Variants in GBA2 observed in about 807,000 individuals in gnomAD.
GBA2 encodes non-lysosomal glucosylceramidase.
Under a neutral mutation model 112.9 loss-of-function variants are expected in GBA2, and 79 were observed. That is an observed-to-expected ratio of 0.70 (90% confidence interval 0.58 to 0.84). GBA2 has a LOEUF of 0.84. Among genes scored for constraint, GBA2 ranks in the 40% least tolerant of loss-of-function variants. GBA2 has a pLI of 0.00. For synonymous variants in GBA2, 403 were observed against 434.3 expected (o/e 0.93, Z 0.90); for missense variants, 1,043 against 1,190.0 (o/e 0.88, Z 1.82).
Position 35,744,310 on chromosome 9 carries a change from A to G in GBA2, c.554T>C (p.Val185Ala). ...LNPGMYQHRTVIADQFTVCLR... is the reference protein window; with the variant it reads ...LNPGMYQHRTAIADQFTVCLR... ...CCTGGCTCTTACTTGGTCAGCGATG[A>G]CTGTCCGGTGCTGATACATTCCAGG... Residue 185 changes from valine (V) to alanine (A), a missense_variant, in exon 3 of 17, where the codon GTC becomes GCC. Transcript: ENST00000378103. 1 of 1,604,384 alleles carries G rather than the reference A, an allele frequency of 6.2e-7. No individual in the cohort carries two copies. Among genetic ancestry groups the G allele is most frequent in the East Asian group, 2.2e-5 (1 of 44,820 alleles).
In GBA2 at chr9:35,738,610, T is replaced by G; in HGVS notation, c.1970A>C (p.Lys657Thr). 2 of 1,613,780 alleles carry G rather than the reference T, an allele frequency of 1.2e-6. No individual in the cohort carries two copies. The highest frequency in any genetic ancestry group is 1.7e-6 in the Non-Finnish European group (2 of 1,179,652). ...GAGTCCATCATGGTCCTTGTCAAAC[T>G]TCATTTCAGATTCCATCACAGCCTA... ...VCLAVMESEM[K>T]FDKDHDGLIE... Residue 657 changes from lysine to threonine, a missense_variant, in exon 13 of 17, where the codon AAG (lysine) becomes ACG (threonine). By Grantham distance (78) the Lys-to-Thr change is moderately conservative. Coordinates refer to ENST00000378103, the MANE Select transcript of GBA2 (RefSeq NM_020944.3).
rs1826880607 is a variant in GBA2 at position 35,744,600 on chromosome 9, T to C, written c.451+15A>G. 1.3e-6 allele frequency: 2 copies of C among 1,499,844 alleles called. No homozygotes were observed. The highest frequency in any genetic ancestry group is 9.3e-7 in the Non-Finnish European group (1 of 1,075,760). 92.9% of individuals were successfully genotyped at this position (1,499,844 alleles called of 1,614,324 possible). ...AGGCCTTCTCTGAGCAGAGCAGAGA[T>C]GGGGTGGGGCTCACCATAAATCTGT... On this transcript the variant is annotated intron_variant, in intron 2 of 16. Transcript: ENST00000378103.
At chr9:35,742,420 A>G (rs950731930) in intron 3 of GBA2, among the ~76,000 whole-genome samples, 16 of 152,092 alleles carry the variant, frequency 1.1e-4, no homozygotes, top group Non-Finnish European at 1.9e-4. Flanking sequence ...CTTGTTCGCT[A>G]TCTGGTGAAA....
rs1234137392 is a variant in GBA2 at position 35,749,001 on chromosome 9, C to T, written c.-297G>A. 1 of 267,580 alleles carries T rather than the reference C, an allele frequency of 3.7e-6. No individual in the cohort carries two copies. Among genetic ancestry groups the T allele is most frequent in the Admixed American group, 5.5e-5 (1 of 18,280 alleles). The allele number at this position is 267,580 out of a possible 1,614,324, so 16.6% of individuals were successfully genotyped here. A position where few individuals can be genotyped will look rare whatever the true frequency, so the allele number is the denominator to read the frequency against. On this transcript the variant is annotated 5_prime_UTR_variant, in exon 1 of 17. Transcript: ENST00000378103. The surrounding 1 kb of genome is among the most constrained non-coding windows in gnomAD (Gnocchi z 4.4). ...CGCCCGGCCAAAGGGCGACTGGGCC[C>T]GCAGAGAGGGGAGGAGCCGCGGGGC...
Position 35,736,933 on chromosome 9 carries a change from C to A in GBA2, c.*236G>T. 4.0e-6 allele frequency: 3 copies of A among 744,114 alleles called. No individual in the cohort carries two copies. Among genetic ancestry groups the A allele is most frequent in the Non-Finnish European group, 6.4e-6 (3 of 467,288 alleles). 46.1% of individuals were successfully genotyped at this position (744,114 alleles called of 1,614,324 possible). On this transcript the variant is annotated 3_prime_UTR_variant, in exon 17 of 17. Transcript: ENST00000378103. Reference sequence around the variant, plus strand: ...CCATGAATGTACCTGGGGAAATCAACTGACCTCCCTGAACATTTCACGCAG... The same window carrying A: ...CCATGAATGTACCTGGGGAAATCAAATGACCTCCCTGAACATTTCACGCAG...
intron 3 of GBA2, 178 bp from the exon 4 acceptor site, chr9:35,742,068 C>T (rs1370995440): frequency 1.6e-6 from 1 of 629,868 alleles, no homozygotes; most frequent in East Asian, 2.7e-5. Flanking sequence ...CCCCATCCAT[C>T]TATCTCCCAA....
At position 35,741,547 on chromosome 9, in the gene GBA2, C is replaced by G. The variant is rs980019777; in HGVS notation, c.786+125G>C. 1 of 745,766 alleles carries G rather than the reference C, an allele frequency of 1.3e-6. No homozygotes were observed. Among genetic ancestry groups the G allele is most frequent in the East Asian group, 2.5e-5 (1 of 40,662 alleles). 46.2% of individuals were successfully genotyped at this position (745,766 alleles called of 1,614,324 possible). Reference sequence around the variant, plus strand: ...TCTCCTGATCTCATGATCCGCCTGCCTTGGCCTCCCAAAGTGTTGGGATTA... The same window carrying G: ...TCTCCTGATCTCATGATCCGCCTGCGTTGGCCTCCCAAAGTGTTGGGATTA... On this transcript the variant is annotated intron_variant, in intron 4 of 16. Coordinates refer to ENST00000378103, the MANE Select transcript of GBA2 (RefSeq NM_020944.3). The surrounding 1 kb of genome is among the most constrained non-coding windows in gnomAD (Gnocchi z 4.6).
chr9:35,737,591 C>T lies in GBA2; in HGVS notation c.2506-144G>A. 6.4e-7 allele frequency: 1 copy of T among 1,561,772 alleles called. No homozygotes were observed. The highest frequency in any genetic ancestry group is 8.7e-7 in the Non-Finnish European group (1 of 1,151,870). On this transcript the variant is annotated intron_variant, in intron 16 of 16. Coordinates refer to ENST00000378103, the MANE Select transcript of GBA2 (RefSeq NM_020944.3). The surrounding 1 kb of genome is among the most constrained non-coding windows in gnomAD (Gnocchi z 4.1). ...GATAACTATGACCCACAGACAGAAGCCTGAAGGCAGGAGCTGGAATGCATA... is the reference window on the plus strand; with the variant it reads ...GATAACTATGACCCACAGACAGAAGTCTGAAGGCAGGAGCTGGAATGCATA...
rs745560069 is a variant in GBA2 at position 35,738,158 on chromosome 9, G to A, written c.2198-6C>T. On this transcript the variant is annotated splice_region_variant and splice_polypyrimidine_tract_variant and intron_variant, in intron 14 of 16. Coordinates refer to ENST00000378103, the MANE Select transcript of GBA2 (RefSeq NM_020944.3). ...GTCATAGTTGTAATAGCGGCCTGGA[G>A]TCGAGGAAGAGAAAAATAAGGCTCC... 2.5e-6 allele frequency: 4 copies of A among 1,613,320 alleles called. No homozygotes were observed. Among genetic ancestry groups the A allele is most frequent in the Admixed American group, 3.3e-5 (2 of 60,012 alleles).
Position 35,739,118 on chromosome 9 carries a change from G to GC in GBA2, c.1688-10_1688-9insG, listed in dbSNP as rs3833700. 0.67 allele frequency: 1,056,679 copies of GC among 1,581,248 alleles called. 354,623 individuals are homozygous for GC. The highest frequency in any genetic ancestry group is 0.79 in the East Asian group (35,252 of 44,380). On this transcript the variant is annotated splice_polypyrimidine_tract_variant and intron_variant, in intron 10 of 16. Transcript: ENST00000378103. ...CCTGAGAGTGGCCAGAGCTGGGGGAGAGACACAGAAGGGAGGCAGGGAATG... is the reference window on the plus strand; with the variant it reads ...CCTGAGAGTGGCCAGAGCTGGGGGAGCAGACACAGAAGGGAGGCAGGGAATG...
At chr9:35,742,251 A>G (rs987657065) in intron 3 of GBA2, among the ~76,000 whole-genome samples, 3 of 152,200 alleles carry the variant, frequency 2.0e-5, no homozygotes, top group Admixed American at 2.0e-4. Context: ...CCCTCAGGCT[A>G]AAGTCTCAAC....
intron 1 of GBA2, 60 bp downstream of exon 1, chr9:35,748,286 G>T (rs1443934508): frequency 1.9e-6 from 2 of 1,045,266 alleles, no homozygotes; most frequent in Non-Finnish European, 1.4e-6. Flanking sequence ...ACCTCTGCTA[G>T]AAGTTTTGAG....
rs779484917 is a variant in GBA2, at chr9:35,741,064, C to G, written c.787G>C (p.Asp263His). The G allele has an allele frequency of 2.3e-5, 37 of 1,613,888 alleles. No individual in the cohort carries two copies. Among genetic ancestry groups the G allele is most frequent in the Non-Finnish European group, 3.0e-5 (35 of 1,180,002 alleles). ...AAGACTCCTACAGGCAGGCTGCTGT[C>G]CTGGGGGCAGAAGATTAGACTCAGA... ...ITPILPHDYQ[D>H]SSLPVGVFVW... The change falls in exon 5 of 17, where the codon GAC becomes CAC. Residue 263 changes from aspartate to histidine, a missense_variant and splice_region_variant. Coordinates refer to ENST00000378103, the MANE Select transcript of GBA2 (RefSeq NM_020944.3). The surrounding 1 kb of genome is among the most constrained non-coding windows in gnomAD (Gnocchi z 4.6).
chr9:35,741,742 T>C lies in GBA2; in HGVS notation c.716A>G (p.Tyr239Cys), dbSNP rs760594027. The change falls in exon 4 of 17, where the codon TAT (tyrosine) becomes TGT (cysteine). Residue 239 changes from tyrosine (Y) to cysteine (C), a missense_variant. Tyr to Cys is a radical substitution (Grantham distance 194, BLOSUM62 -2). Transcript: ENST00000378103. The surrounding 1 kb of genome is among the most constrained non-coding windows in gnomAD (Gnocchi z 4.6). ...GGTGACATTCTGGCCAGGAAGCTGATAGACAGTCCAGGCTCGGGGATAGAG... is the reference window on the plus strand; with the variant it reads ...GGTGACATTCTGGCCAGGAAGCTGACAGACAGTCCAGGCTCGGGGATAGAG... Reference protein sequence around the residue: ...HALYPRAWTVYQLPGQNVTLT... With the variant: ...HALYPRAWTVCQLPGQNVTLT... The C allele has an allele frequency of 3.7e-6, 6 of 1,614,022 alleles. No homozygotes were observed. The highest frequency in any genetic ancestry group is 3.3e-5 in the South Asian group (3 of 91,070).
chr9:35,745,205 C>T (rs889415017), intron 1 of GBA2, among the ~76,000 whole-genome samples: 2 of 152,000 alleles, frequency 1.3e-5, no homozygotes, highest in Non-Finnish European at 2.9e-5. Flanking sequence ...TCACTGCAAA[C>T]TCCGCCTCCC....
rs145651113 is a variant in GBA2, at chr9:35,739,671, G to T, written c.1539C>A (p.Leu513=). The change falls in exon 9 of 17, where the codon CTC becomes CTA. Residue 513 remains leucine, a synonymous_variant. Transcript: ENST00000378103. ...GACCGTAGTCCCGTAGGGTGGGGCGGAGGTGACACATGTTTCTGCCCAGCT... is the reference window on the plus strand; with the variant it reads ...GACCGTAGTCCCGTAGGGTGGGGCGTAGGTGACACATGTTTCTGCCCAGCT... ...PEELGRNMCH[L]RPTLRDYGRF... The T allele has an allele frequency of 5.9e-5, 95 of 1,614,008 alleles. No homozygotes were observed. In the East Asian group the frequency reaches 2.1e-3, roughly 36 times the overall value.
At position 35,748,595 on chromosome 9, in the gene GBA2, G is replaced by A. The variant is rs371559563; in HGVS notation, c.110C>T (p.Thr37Ile). The A allele has an allele frequency of 1.9e-5, 30 of 1,613,906 alleles. No individual in the cohort carries two copies. The African/African-American group carries it at 3.7e-4, about 20-fold the overall frequency. ...QVYCPEETGG[T>I]KDVQVTDCKS... Reference sequence around the variant, plus strand: ...ACAGTCTGTAACCTGCACATCCTTGGTGCCGCCAGTCTCTTCAGGGCAATA... The same window carrying A: ...ACAGTCTGTAACCTGCACATCCTTGATGCCGCCAGTCTCTTCAGGGCAATA... The change falls in exon 1 of 17, where the codon ACC becomes ATC. Residue 37 changes from threonine (T) to isoleucine (I), a missense_variant. By Grantham distance (89) the Thr-to-Ile change is moderately conservative (BLOSUM62 -1). Transcript: ENST00000378103.
intron 9 of GBA2, 61 bp downstream of exon 9, chr9:35,739,567 C>A (rs1826506218): frequency 1.3e-6 from 2 of 1,517,236 alleles, no homozygotes; most frequent in Admixed American, 1.7e-5. Flanking sequence ...CTGGGGTAGG[C>A]AAATCCATCA....
Position 35,737,674 on chromosome 9 carries a change from A to T in GBA2, c.2505+74T>A, listed in dbSNP as rs1563955383. On this transcript the variant is annotated intron_variant, in intron 16 of 16. Transcript: ENST00000378103. This position sits in a 1 kb window ranked among gnomAD's most constrained non-coding sequence, Gnocchi z 4.1. ...AAGATGGCATTGGGTTATGCCTTGAAGAAATTTGGTGGTTGAGGAAGTTTT... is the reference window on the plus strand; with the variant it reads ...AAGATGGCATTGGGTTATGCCTTGATGAAATTTGGTGGTTGAGGAAGTTTT... The T allele has an allele frequency of 6.2e-7, 1 of 1,612,564 alleles. No individual in the cohort carries two copies. Among genetic ancestry groups the T allele is most frequent in the East Asian group, 2.2e-5 (1 of 44,870 alleles).
Sources: allele counts gnomAD v4.1 joint callset (sites outside exome capture counted in the v4.1 genomes callset), GRCh38; gene constraint gnomAD v4.1.1; non-coding constraint Gnocchi (gnomAD v3.1); transcripts MANE v1.5; gene names NCBI Gene and HGNC (gene_info 2026-07-23, HGNC 2026-07-21).